RTRAF: variants seen among roughly 807,000 people sequenced by gnomAD.
The protein encoded by RTRAF is RNA transcription, translation and transport factor.
RTRAF carries 14 observed loss-of-function variants against 34.4 expected under a neutral mutation model. The observed-to-expected ratio is 0.41, with a 90% CI of 0.27 to 0.64. RTRAF has a LOEUF of 0.64. Ranked by LOEUF, RTRAF falls within the 30% of genes least tolerant of loss-of-function variation. The probability of loss-of-function intolerance (pLI) is 0.34; values close to 1 mark genes in which losing one functional copy is unlikely to be tolerated. For synonymous variants in RTRAF, 96 were observed against 95.3 expected (o/e 1.01, Z -0.04); for missense variants, 291 against 288.4 (o/e 1.01, Z -0.06).
At chr14:51,995,599 T>A (rs1890506453) in intron 3 of RTRAF, among the ~76,000 whole-genome samples, 1 of 152,168 alleles carries the variant, frequency 6.6e-6, no homozygotes, top group Non-Finnish European at 1.5e-5. Flanking sequence ...ATTGTGTCTG[T>A]CACAGTACCT....
At chr14:52,002,339 G>A (rs557649947) in intron 6 of RTRAF, among the ~76,000 whole-genome samples, 11 of 152,310 alleles carry the variant, frequency 7.2e-5, no homozygotes, top group African/African-American at 2.6e-4. Flanking sequence ...ATTTGGCTAA[G>A]GTCACCTAGT....
chr14:52,006,163 AAT>A lies in RTRAF; in HGVS notation c.*1650_*1651del. 2 of 408,668 alleles carry A rather than the reference AAT, an allele frequency of 4.9e-6. No individual in the cohort carries two copies. Among genetic ancestry groups the A allele is most frequent in the Non-Finnish European group, 9.1e-6 (2 of 219,726 alleles). The allele number at this position is 408,668 out of a possible 1,614,324, so 25.3% of individuals were successfully genotyped here. ...AATAGTATTTTTCGGTCCCTCAGAC[AAT>A]ATGTCCACAGTGTCAAAAGCCAACT... On this transcript the variant is annotated 3_prime_UTR_variant, in exon 8 of 8. Coordinates refer to ENST00000261700, the MANE Select transcript of RTRAF (RefSeq NM_016039.3).
At position 51,991,401 on chromosome 14, in the gene RTRAF, GA is replaced by G; in HGVS notation, c.149del (p.Asn50ThrfsTer37). Reference sequence around the variant, plus strand: ...AAGATTGAAGACAGAGGGAATTTAAGAAACATCCACAGCAGCGACTGGCCCA... The same window carrying G: ...AAGATTGAAGACAGAGGGAATTTAAGAACATCCACAGCAGCGACTGGCCCA... The part of the protein sequence containing the change: ...HYKIEDRGNL[R>X]NIHSSDWPKF... On this transcript the variant is annotated frameshift_variant, in exon 2 of 8. Transcript: ENST00000261700. LOFTEE classifies it high-confidence loss of function. The G allele has an allele frequency of 6.2e-7, 1 of 1,613,554 alleles. No individual in the cohort carries two copies. Among genetic ancestry groups the G allele is most frequent in the South Asian group, 1.1e-5 (1 of 91,052 alleles).
rs1223323719 is a variant in RTRAF at position 52,008,835 on chromosome 14, A to G, written c.*4319A>G. On this transcript the variant is annotated 3_prime_UTR_variant, in exon 8 of 8. Transcript: ENST00000261700. The stretch of plus-strand genomic sequence containing the variant: ...TCTTCTGCCAAAAATACAATTTGGT[A>G]CTTGAAGGGGTACCTGGCACCCAGG... The G allele has an allele frequency of 6.6e-6, 1 of 152,216 alleles. No homozygotes were observed. The highest frequency in any genetic ancestry group is 1.5e-5 in the Non-Finnish European group (1 of 68,032). The allele number at this position is 152,216 out of a possible 1,614,324, so 9.4% of individuals were successfully genotyped here.
rs1890833383 is a variant in RTRAF at position 52,007,545 on chromosome 14, C to CT, written c.*3033dup. The CT allele has an allele frequency of 2.3e-6, 1 of 426,046 alleles. No homozygotes were observed. The highest frequency in any genetic ancestry group is 2.8e-5 in the South Asian group (1 of 35,280). 26.4% of individuals were successfully genotyped at this position (426,046 alleles called of 1,614,324 possible). On this transcript the variant is annotated 3_prime_UTR_variant, in exon 8 of 8. Coordinates refer to ENST00000261700, the MANE Select transcript of RTRAF (RefSeq NM_016039.3). ...TTTGTCAATTCAACAATGGCTAATT[C>CT]TTTTAACTGTTAAAAATATGCCAGG...
At chr14:51,989,805 T>C (rs1469546872) in intron 1 of RTRAF, 105 bp downstream of exon 1, 41 of 1,210,906 alleles carry the variant, frequency 3.4e-5, no homozygotes, top group Non-Finnish European at 4.6e-5. Flanking sequence ...GCGGCCTGGT[T>C]TCCGCCGGCA....
At position 52,005,747 on chromosome 14, in the gene RTRAF, G is replaced by A. The variant is rs1456600013; in HGVS notation, c.*1231G>A. The A allele has an allele frequency of 2.5e-6, 4 of 1,612,386 alleles. No individual in the cohort carries two copies. The highest frequency in any genetic ancestry group is 1.1e-5 in the South Asian group (1 of 91,050). The stretch of plus-strand genomic sequence containing the variant: ...AAGCATACTTTTTACCTGTTGGGCA[G>A]TAGGGGTAGACTGCAGTTATCCCGT... On this transcript the variant is annotated 3_prime_UTR_variant, in exon 8 of 8. Coordinates refer to ENST00000261700, the MANE Select transcript of RTRAF (RefSeq NM_016039.3).
chr14:52,001,025 C>T lies in RTRAF; in HGVS notation c.463-773C>T, dbSNP rs541013927. The stretch of plus-strand genomic sequence containing the variant: ...ACATAATATGGAAAACATCTTAGTA[C>T]GTTTGCCAAGTACAAGCATCAGTAT... On this transcript the variant is annotated intron_variant, in intron 5 of 7. Coordinates refer to ENST00000261700, the MANE Select transcript of RTRAF (RefSeq NM_016039.3). Among the ~76,000 whole-genome samples, 24 of 152,336 alleles carry T rather than the reference C, an allele frequency of 1.6e-4. No individual in the cohort carries two copies. The South Asian group carries it at 4.6e-3, about 29-fold the overall frequency.
At position 52,006,613 on chromosome 14, in the gene RTRAF, C is replaced by G. The variant is rs1489550750; in HGVS notation, c.*2097C>G. ...GGGTACTTGAGGTTGTTTTGAATGA[C>G]ACGCCGTCCAGTTCCATCAGGTAGT... On this transcript the variant is annotated 3_prime_UTR_variant, in exon 8 of 8. Transcript: ENST00000261700. 1 of 1,613,786 alleles carries G rather than the reference C, an allele frequency of 6.2e-7. No homozygotes were observed. The highest frequency in any genetic ancestry group is 1.3e-5 in the African/African-American group (1 of 74,906).
At chr14:51,990,003 C>G (rs947380512) in intron 1 of RTRAF, among the ~76,000 whole-genome samples, 1 of 152,252 alleles carries the variant, frequency 6.6e-6, no homozygotes, top group African/African-American at 2.4e-5. Flanking sequence ...ACTCACTATT[C>G]AACTCCATGG....
Position 52,005,630 on chromosome 14 carries a change from A to G in RTRAF, c.*1114A>G, listed in dbSNP as rs1890743967. ...GTAAAGACTGGCCCTCAGGGCAGGA[A>G]GAAGGCAATGGTGGCAGTGTCACAG... On this transcript the variant is annotated 3_prime_UTR_variant, in exon 8 of 8. Transcript: ENST00000261700. 7.2e-7 allele frequency: 1 copy of G among 1,382,858 alleles called. No homozygotes were observed. The highest frequency in any genetic ancestry group is 1.2e-5 in the South Asian group (1 of 85,144). The allele number at this position is 1,382,858 out of a possible 1,614,324, so 85.7% of individuals were successfully genotyped here. A position where few individuals can be genotyped will look rare whatever the true frequency, so the allele number is the denominator to read the frequency against.
At position 52,004,963 on chromosome 14, in the gene RTRAF, T is replaced by TATAA. The variant is rs1391846325; in HGVS notation, c.*451_*454dup. The stretch of plus-strand genomic sequence containing the variant: ...ATTGAATCATTTTAGCACCTTTTGA[T>TATAA]ATAAATAGAAATGCACTGATGCAGA... On this transcript the variant is annotated 3_prime_UTR_variant, in exon 8 of 8. Coordinates refer to ENST00000261700, the MANE Select transcript of RTRAF (RefSeq NM_016039.3). 6.3e-6 allele frequency: 1 copy of TATAA among 157,652 alleles called. No homozygotes were observed. Among genetic ancestry groups the TATAA allele is most frequent in the East Asian group, 1.9e-4 (1 of 5,332 alleles). The allele number at this position is 157,652 out of a possible 1,614,324, so 9.8% of individuals were successfully genotyped here.
chr14:52,005,903 AGTC>A lies in RTRAF; in HGVS notation c.*1388_*1390del. On this transcript the variant is annotated 3_prime_UTR_variant, in exon 8 of 8. Transcript: ENST00000261700. ...GGGACAGTCATTTACTAGATAAAGAAGTCAGTCAGCCACAGAAAATCAGTTGCA... is the reference window on the plus strand; with the variant it reads ...GGGACAGTCATTTACTAGATAAAGAAAGTCAGCCACAGAAAATCAGTTGCA... The A allele has an allele frequency of 1.4e-6, 1 of 718,136 alleles. No homozygotes were observed. Among genetic ancestry groups the A allele is most frequent in the East Asian group, 1.0e-4 (1 of 9,608 alleles). The allele number at this position is 718,136 out of a possible 1,614,324, so 44.5% of individuals were successfully genotyped here.
At chr14:52,002,212 G>T (rs1007338518) in intron 6 of RTRAF, among the ~76,000 whole-genome samples, 1 of 152,178 alleles carries the variant, frequency 6.6e-6, no homozygotes, top group Non-Finnish European at 1.5e-5. Context: ...GGAGAAGAAG[G>T]AACACACCTC....
intron 1 of RTRAF, among the ~76,000 whole-genome samples, chr14:51,989,967 TA>T (rs1245551052): frequency 2.0e-5 from 3 of 152,180 alleles, no homozygotes; most frequent in Non-Finnish European, 4.4e-5. Context: ...TCTCTGTACA[TA>T]AAAGGGAGAG....
At chr14:51,990,777 TCA>T (rs1486106262) in intron 1 of RTRAF, among the ~76,000 whole-genome samples, 1 of 152,186 alleles carries the variant, frequency 6.6e-6, no homozygotes, top group African/African-American at 2.4e-5. Context: ...ACAACAGTTG[TCA>T]CAGTGTCTTT....
In RTRAF at chr14:52,009,011, A is replaced by G. The variant is rs1250989672; in HGVS notation, c.*4495A>G. 1 of 152,250 alleles carries G rather than the reference A, an allele frequency of 6.6e-6. No homozygotes were observed. Among genetic ancestry groups the G allele is most frequent in the African/African-American group, 2.4e-5 (1 of 41,460 alleles). The allele number at this position is 152,250 out of a possible 1,614,324, so 9.4% of individuals were successfully genotyped here. A position where few individuals can be genotyped will look rare whatever the true frequency, so the allele number is the denominator to read the frequency against. On this transcript the variant is annotated 3_prime_UTR_variant, in exon 8 of 8. Coordinates refer to ENST00000261700, the MANE Select transcript of RTRAF (RefSeq NM_016039.3). ...ACAGGTTTATCGTTAGAGCAGAAAT[A>G]ATGTTGAAAGCACTTTTTATAAAAT...
rs1022839569 is a variant in RTRAF at position 52,006,261 on chromosome 14, G to T, written c.*1745G>T. ...CTAAAGAACATATTTAGATTAATAT[G>T]CTCCCTTTTGAGACATTATCCAATA... On this transcript the variant is annotated 3_prime_UTR_variant, in exon 8 of 8. Transcript: ENST00000261700. The T allele has an allele frequency of 7.2e-6, 3 of 418,544 alleles. No homozygotes were observed. Among genetic ancestry groups the T allele is most frequent in the African/African-American group, 6.0e-5 (3 of 50,282 alleles). 25.9% of individuals were successfully genotyped at this position (418,544 alleles called of 1,614,324 possible).
rs573828912 is a variant in RTRAF, at chr14:51,993,889, A to G, written c.286+67A>G. The stretch of plus-strand genomic sequence containing the variant: ...GATGGGAAAGGGAGTGTGAAAATGT[A>G]GGGAACTTTGCAGTTTGTTTTGTCT... On this transcript the variant is annotated intron_variant, in intron 3 of 7. Transcript: ENST00000261700. 9.9e-5 allele frequency: 98 copies of G among 991,544 alleles called. No individual in the cohort carries two copies. The South Asian group carries it at 1.3e-3, about 13-fold the overall frequency. The allele number at this position is 991,544 out of a possible 1,614,324, so 61.4% of individuals were successfully genotyped here.
Sources: gnomAD v4.1 joint callset for allele counts (sites outside exome capture counted in the v4.1 genomes callset) on GRCh38, gnomAD v4.1.1 for gene constraint, MANE v1.5 for transcripts, NCBI Gene and HGNC (gene_info 2026-07-23, HGNC 2026-07-21) for gene names.